Variants in LINGO2 observed in about 807,000 individuals in gnomAD.
LINGO2 encodes leucine rich repeat and Ig domain containing 2.
In LINGO2, 14 loss-of-function variants were observed where a neutral mutation model predicts 30.6. The observed-to-expected ratio is 0.46, with a 90% CI of 0.30 to 0.72. LINGO2 has a LOEUF of 0.72. Among genes scored for constraint, LINGO2 ranks in the 30% least tolerant of loss-of-function variants. The pLI is 0.07. For synonymous variants in LINGO2, 317 were observed against 288.5 expected (o/e 1.10, Z -1.00); for missense variants, 729 against 751.7 (o/e 0.97, Z 0.35).
At chr9:28,978,244 A>C in the LINGO2 span, among the ~76,000 whole-genome samples, 1 of 152,166 alleles carries the variant, frequency 6.6e-6, no homozygotes, top group South Asian at 2.1e-4. Context: ...ATTAAGTTGA[A>C]TGTGAAATCT....
chr9:29,012,310 A>G, the LINGO2 span, among the ~76,000 whole-genome samples: 2 of 152,086 alleles, frequency 1.3e-5, no homozygotes, highest in African/African-American at 4.8e-5. Context: ...GTGAGCTGAG[A>G]TCACACCACT....
At chr9:28,463,902 T>A (rs1270423251) in intron 2 of LINGO2, among the ~76,000 whole-genome samples, 2 of 152,158 alleles carry the variant, frequency 1.3e-5, no homozygotes, top group Non-Finnish European at 2.9e-5. Context: ...ACAATAAAGA[T>A]AATTATTTTT....
At chr9:28,292,958 G>C (rs1419766852) in intron 4 of LINGO2, among the ~76,000 whole-genome samples, 2 of 151,896 alleles carry the variant, frequency 1.3e-5, no homozygotes, top group African/African-American at 4.8e-5. Flanking sequence ...ATTTTTAGTA[G>C]AGACGGGGTT....
At chr9:28,072,136 T>A (rs1043315209) in intron 4 of LINGO2, among the ~76,000 whole-genome samples, 2 of 149,564 alleles carry the variant, frequency 1.3e-5, no homozygotes, top group African/African-American at 5.1e-5. Flanking sequence ...GAATACTGAC[T>A]CCTATTTTCC....
At chr9:27,984,046 T>C (rs1381429580) in intron 5 of LINGO2, among the ~76,000 whole-genome samples, 1 of 151,768 alleles carries the variant, frequency 6.6e-6, no homozygotes, top group East Asian at 1.9e-4. Flanking sequence ...TTTTCATGGG[T>C]TGAGAAAGGC....
At chr9:28,476,063 C>G (rs1309745837) in intron 1 of LINGO2, 38 bp from the exon 4 acceptor site, 1 of 152,474 alleles carries the variant, frequency 6.6e-6, no homozygotes, top group African/African-American at 2.4e-5. Flanking sequence ...AAATGACACT[C>G]GCTTGCTTCA....
the LINGO2 span, among the ~76,000 whole-genome samples, chr9:28,856,769 T>A: frequency 6.6e-6 from 1 of 151,942 alleles, no homozygotes; most frequent in Admixed American, 6.6e-5. Context: ...ATAATCAGAT[T>A]GACACCTAAA....
chr9:28,550,918 C>T (rs1358927770), intron 1 of LINGO2, among the ~76,000 whole-genome samples: 1 of 151,632 alleles, frequency 6.6e-6, no homozygotes, highest in Middle Eastern at 3.4e-3. Flanking sequence ...TAAATATGTA[C>T]AAAAGAATGA....
intron 2 of LINGO2, among the ~76,000 whole-genome samples, chr9:28,456,685 T>C (rs541053736): frequency 6.6e-5 from 10 of 152,266 alleles, no homozygotes; most frequent in African/African-American, 2.2e-4. Context: ...ATGGAGTTTT[T>C]TTTCTGACAC....
chr9:28,952,070 T>C, the LINGO2 span, among the ~76,000 whole-genome samples: 1 of 151,978 alleles, frequency 6.6e-6, no homozygotes, highest in African/African-American at 2.4e-5. Context: ...ATTTGTCAGA[T>C]AAGTGCGTGG....
intron 1 of LINGO2, among the ~76,000 whole-genome samples, chr9:28,581,334 A>G (rs1265074269): frequency 6.6e-6 from 1 of 151,844 alleles, no homozygotes; most frequent in Non-Finnish European, 1.5e-5. Context: ...AAAGGTAAAA[A>G]TTTATAGGAG....
At chr9:28,315,657 A>G (rs1335643820) in intron 3 of LINGO2, among the ~76,000 whole-genome samples, 1 of 152,200 alleles carries the variant, frequency 6.6e-6, no homozygotes, top group Non-Finnish European at 1.5e-5. Context: ...TAGATGATTT[A>G]CTAGTTTAGA....
chr9:28,927,210 G>A, the LINGO2 span, among the ~76,000 whole-genome samples: 2 of 152,216 alleles, frequency 1.3e-5, no homozygotes, highest in African/African-American at 2.4e-5. Flanking sequence ...ATGATTGAAT[G>A]TAGCACTATG....
the LINGO2 span, among the ~76,000 whole-genome samples, chr9:28,724,680 T>A: frequency 2.0e-4 from 30 of 152,194 alleles, no homozygotes; most frequent in African/African-American, 6.7e-4. Context: ...ACAGCTGATG[T>A]GGGTTGGGAA....
At chr9:27,966,885 T>C (rs1208369495) in intron 5 of LINGO2, among the ~76,000 whole-genome samples, 1 of 152,098 alleles carries the variant, frequency 6.6e-6, no homozygotes, top group African/African-American at 2.4e-5. Context: ...CCCTCCTTCA[T>C]AAGGTTATTA....
the LINGO2 span, among the ~76,000 whole-genome samples, chr9:28,843,070 G>C: frequency 2.0e-5 from 3 of 151,836 alleles, no homozygotes; most frequent in Non-Finnish European, 2.9e-5. Flanking sequence ...ATGACAGCAG[G>C]AAGACAAATT....
chr9:29,007,985 G>A, the LINGO2 span, among the ~76,000 whole-genome samples: 1 of 152,026 alleles, frequency 6.6e-6, no homozygotes, highest in South Asian at 2.1e-4. Flanking sequence ...ATGCAGGTTT[G>A]TTACATATGT....
chr9:28,134,261 TAGAG>T (rs1827453608), intron 4 of LINGO2, among the ~76,000 whole-genome samples: 1 of 152,160 alleles, frequency 6.6e-6, no homozygotes, highest in Non-Finnish European at 1.5e-5. Flanking sequence ...ATTAAAAATA[TAGAG>T]AAAGAGAGAC....
chr9:28,737,859 G>C, the LINGO2 span, among the ~76,000 whole-genome samples: 1 of 151,778 alleles, frequency 6.6e-6, no homozygotes, highest in Admixed American at 6.6e-5. Context: ...CTTTAAATTT[G>C]AACCCTGGCA....
Sources: allele counts gnomAD v4.1 joint callset (sites outside exome capture counted in the v4.1 genomes callset), GRCh38; gene constraint gnomAD v4.1.1; transcripts MANE v1.5; gene names NCBI Gene and HGNC (gene_info 2026-07-23, HGNC 2026-07-21).